SEMA3A: variants seen among roughly 807,000 people sequenced by gnomAD.
SEMA3A encodes semaphorin-3A.
SEMA3A carries 29 observed loss-of-function variants against 97.9 expected under a neutral mutation model. The observed-to-expected ratio is 0.30, with a 90% CI of 0.22 to 0.40. SEMA3A has a LOEUF of 0.40. Ranked by LOEUF, SEMA3A falls within the 10% of genes least tolerant of loss-of-function variation. The probability of loss-of-function intolerance (pLI) is 1.00; values close to 1 mark genes in which losing one functional copy is unlikely to be tolerated. For synonymous variants in SEMA3A, 321 were observed against 323.7 expected, an observed-to-expected ratio of 0.99 and a Z score of 0.09; for missense variants, 763 against 951.3, an observed-to-expected ratio of 0.80 and a Z score of 2.60.
chr7:84,129,009 T>C, intron 3 of SEMA3A, 114 bp downstream of exon 3: 1 of 749,656 alleles, frequency 1.3e-6, no homozygotes, highest in Non-Finnish European at 2.3e-6. Context: ...ATGAAAAGAT[T>C]CTAACCCCTT....
intron 4 of SEMA3A, among the ~76,000 whole-genome samples, chr7:84,069,216 CAG>C (rs1793653503): frequency 6.6e-6 from 1 of 152,098 alleles, no homozygotes; most frequent in African/African-American, 2.4e-5. Context: ...TGAAATCGGG[CAG>C]AACTGGGTGT....
intron 3 of SEMA3A, among the ~76,000 whole-genome samples, chr7:84,119,774 G>C (rs2115979480): frequency 6.6e-6 from 1 of 152,202 alleles, no homozygotes; most frequent in South Asian, 2.1e-4. Flanking sequence ...GTGGGACTTG[G>C]ATCAACTTGC....
At chr7:84,440,818 A>G (rs185862356) in intron 1 of SEMA3A, among the ~76,000 whole-genome samples, 1 of 152,202 alleles carries the variant, frequency 6.6e-6, no homozygotes, top group Non-Finnish European at 1.5e-5. Context: ...CCAGTTTTCA[A>G]CAAAAATTCA....
intron 2 of SEMA3A, among the ~76,000 whole-genome samples, chr7:84,370,315 C>T (rs1463088241): frequency 2.6e-5 from 4 of 151,604 alleles, no homozygotes; most frequent in Non-Finnish European, 4.4e-5. Flanking sequence ...CACTGCACCA[C>T]GCATGTTTCA....
chr7:84,133,777 G>A (rs759900783), intron 2 of SEMA3A, among the ~76,000 whole-genome samples: 4 of 151,492 alleles, frequency 2.6e-5, no homozygotes, highest in Admixed American at 6.6e-5. Context: ...AAGGCCGGGC[G>A]CGGTGGCTCA....
chr7:84,078,838 A>C (rs1366453237), intron 4 of SEMA3A, among the ~76,000 whole-genome samples: 1 of 151,982 alleles, frequency 6.6e-6, no homozygotes, highest in Non-Finnish European at 1.5e-5. Context: ...TCAAATATTT[A>C]TGTCTAAATT....
chr7:84,461,309 C>A (rs1317643261), intron 1 of SEMA3A, among the ~76,000 whole-genome samples: 1 of 152,112 alleles, frequency 6.6e-6, no homozygotes, highest in South Asian at 2.1e-4. Context: ...CAATGAACGG[C>A]CTGCTGTGTC....
chr7:84,358,102 C>T (rs893893047), intron 2 of SEMA3A, among the ~76,000 whole-genome samples: 29 of 152,012 alleles, frequency 1.9e-4, no homozygotes, highest in Non-Finnish European at 2.5e-4. Flanking sequence ...TTCACACTGA[C>T]GGTAGTTTAT....
At chr7:84,247,974 T>G (rs2115595198) in intron 3 of SEMA3A, among the ~76,000 whole-genome samples, 1 of 152,336 alleles carries the variant, frequency 6.6e-6, no homozygotes, top group Non-Finnish European at 1.5e-5. Flanking sequence ...TTTTATAGTT[T>G]ATATATTATG....
chr7:84,029,826 C>A (rs2116460967), intron 6 of SEMA3A, among the ~76,000 whole-genome samples: 1 of 137,776 alleles, frequency 7.3e-6, no homozygotes, highest in South Asian at 2.3e-4. Flanking sequence ...CACACACACA[C>A]ACACACACAC....
intron 4 of SEMA3A, among the ~76,000 whole-genome samples, chr7:84,090,794 T>G (rs1326837959): frequency 2.0e-5 from 3 of 151,912 alleles, no homozygotes; most frequent in Non-Finnish European, 4.4e-5. Flanking sequence ...TGGCCGGGCG[T>G]GGTGGCTCAC....
chr7:84,008,082 C>A (rs369177855), intron 9 of SEMA3A, among the ~76,000 whole-genome samples: 29 of 152,298 alleles, frequency 1.9e-4, no homozygotes, highest in African/African-American at 6.7e-4. Flanking sequence ...GTAGCTATTT[C>A]ACTCAGTTAA....
At chr7:84,477,988 T>G (rs1806342991) in intron 1 of SEMA3A, among the ~76,000 whole-genome samples, 1 of 152,202 alleles carries the variant, frequency 6.6e-6, no homozygotes, top group Non-Finnish European at 1.5e-5. Context: ...AAATTCCAAA[T>G]GAACAGCTAA....
intron 3 of SEMA3A, among the ~76,000 whole-genome samples, chr7:84,253,054 T>C (rs1435330024): frequency 6.6e-6 from 1 of 151,982 alleles, no homozygotes; most frequent in Non-Finnish European, 1.5e-5. Flanking sequence ...ATTTTTGTAT[T>C]TTTAGTAGAG....
chr7:84,262,576 T>C (rs952485794), intron 3 of SEMA3A, among the ~76,000 whole-genome samples: 1 of 152,180 alleles, frequency 6.6e-6, no homozygotes, highest in Non-Finnish European at 1.5e-5. Context: ...TTAAAAGAGA[T>C]GGAAACTCTT....
chr7:84,019,299 TA>T (rs1791229163), intron 6 of SEMA3A, among the ~76,000 whole-genome samples: 1 of 150,342 alleles, frequency 6.7e-6, no homozygotes, highest in African/African-American at 2.5e-5. Flanking sequence ...AGGACATGAA[TA>T]AAAAAGCTTA....
At chr7:84,326,531 TAA>T (rs1801778935) in intron 2 of SEMA3A, among the ~76,000 whole-genome samples, 1 of 152,086 alleles carries the variant, frequency 6.6e-6, no homozygotes, top group African/African-American at 2.4e-5. Flanking sequence ...ATTGAATTTA[TAA>T]GTGATATGTA....
intron 12 of SEMA3A, among the ~76,000 whole-genome samples, chr7:83,995,384 A>C (rs562064037): frequency 2.0e-5 from 3 of 152,222 alleles, no homozygotes; most frequent in African/African-American, 7.2e-5. Context: ...AACATAAAAG[A>C]AACCCTAGTA....
intron 1 of SEMA3A, among the ~76,000 whole-genome samples, chr7:84,455,311 T>C (rs1421357418): frequency 6.6e-6 from 1 of 151,984 alleles, no homozygotes; most frequent in Admixed American, 6.6e-5. Flanking sequence ...GTTAAATACT[T>C]GCAATGCATT....
Sources: allele counts gnomAD v4.1 joint callset (sites outside exome capture counted in the v4.1 genomes callset), GRCh38; gene constraint gnomAD v4.1.1; transcripts MANE v1.5; gene names NCBI Gene and HGNC (gene_info 2026-07-23, HGNC 2026-07-21).